ADAM10: variants seen among roughly 807,000 people sequenced by gnomAD.
ADAM10 encodes the protein disintegrin and metalloproteinase domain-containing protein 10.
A neutral mutation model predicts 90.1 loss-of-function variants in ADAM10; 17 were observed. That is an observed-to-expected ratio of 0.19 (90% CI 0.13 to 0.28). The LOEUF (loss-of-function observed/expected upper bound fraction) is 0.28. Ranked by LOEUF, ADAM10 falls within the 10% of genes least tolerant of loss-of-function variation. ADAM10 has a pLI of 1.00. For missense variants in ADAM10, 610 were observed against 914.3 expected, an observed-to-expected ratio of 0.67 and a Z score of 4.29; for synonymous variants, 310 against 298.6, an observed-to-expected ratio of 1.04 and a Z score of -0.40.
At chr15:58,615,159 A>T (rs1182050448) in intron 11 of ADAM10, among the ~76,000 whole-genome samples, 1 of 151,614 alleles carries the variant, frequency 6.6e-6, no homozygotes, top group African/African-American at 2.4e-5. Context: ...CTGTAGTCCC[A>T]GCTACTAGGG....
At position 58,644,078 on chromosome 15, in the gene ADAM10, C is replaced by G. The variant is rs1207590188; in HGVS notation, c.736-100G>C. On this transcript the variant is annotated intron_variant, in intron 6 of 15. Transcript: ENST00000260408. ...ATCAGTAATTATTCATGTCCTGCCA[C>G]ATTCAAATTTTAAAATGTCAACATT... is the stretch of plus-strand genomic sequence containing the variant. 3 of 863,946 alleles carry G rather than the reference C, an allele frequency of 3.5e-6. No homozygotes were observed. The African/African-American group carries it at 5.0e-5, about 15-fold the overall frequency. 53.5% of individuals were successfully genotyped at this position (863,946 alleles called of 1,614,324 possible).
At position 58,665,736 on chromosome 15, in the gene ADAM10, C is replaced by T. The variant is rs141014933; in HGVS notation, c.485-539G>A. On this transcript the variant is annotated intron_variant, in intron 4 of 15. Transcript: ENST00000260408. The stretch of plus-strand genomic sequence containing the variant: ...TCATAGTAGCTCAGTTTTACAGTTA[C>T]GTGACTGTATCACTGACTACCCCAA... Among the ~76,000 whole-genome samples the T allele has an allele frequency of 6.3e-3, 954 of 152,114 alleles. 10 individuals carry two copies. The highest frequency in any genetic ancestry group is 0.022 in the African/African-American group (897 of 41,510).
In ADAM10 at chr15:58,711,692, A is replaced by ACAT. The variant is rs532034293; in HGVS notation, c.206+5882_206+5884dup. 2.2e-3 allele frequency among the ~76,000 whole-genome samples: 334 copies of ACAT among 152,338 alleles called. 3 individuals are homozygous for ACAT. The highest frequency in any genetic ancestry group is 3.2e-3 in the Non-Finnish European group (221 of 68,032). ...AAAGACAAGATGCCTACCCCAAAGT[A>ACAT]CATAATTTGGAAAACAAGATATGAA... On this transcript the variant is annotated intron_variant, in intron 2 of 15. Coordinates refer to ENST00000260408, the MANE Select transcript of ADAM10 (RefSeq NM_001110.4).
Position 58,749,471 on chromosome 15 carries a change from G to C in ADAM10, c.55+9C>G. ...CGCGGCGCCCCCGGCGCTCGCAGTC[G>C]TGCCTCACCTCCCATCCCCGCCGCC... On this transcript the variant is annotated intron_variant, in intron 1 of 15. Coordinates refer to ENST00000260408, the MANE Select transcript of ADAM10 (RefSeq NM_001110.4). 1 of 1,541,192 alleles carries C rather than the reference G, an allele frequency of 6.5e-7. No individual in the cohort carries two copies.
Position 58,647,246 on chromosome 15 carries a change from G to GTTTTT in ADAM10, c.586-1043_586-1042insAAAAA, listed in dbSNP as rs1323960397. On this transcript the variant is annotated intron_variant, in intron 5 of 15. Coordinates refer to ENST00000260408, the MANE Select transcript of ADAM10 (RefSeq NM_001110.4). Reference sequence around the variant, plus strand: ...CTTGGCAGCAAAGAGTAGACACTAAGTATTTTTTTTTTTTTTTTTTTTTTT... The same window carrying GTTTTT: ...CTTGGCAGCAAAGAGTAGACACTAAGTTTTTTATTTTTTTTTTTTTTTTTTTTTTT... Among the ~76,000 whole-genome samples, 93 of 36,838 alleles carry GTTTTT rather than the reference G, an allele frequency of 2.5e-3. 3 individuals carry two copies. Among genetic ancestry groups the GTTTTT allele is most frequent in the Admixed American group, 6.9e-3 (24 of 3,486 alleles). 24.2% of individuals were successfully genotyped at this position (36,838 alleles called of 152,430 possible).
intron 15 of ADAM10, 103 bp from the exon 16 acceptor site, chr15:58,597,744 T>C (rs1306177235): frequency 7.9e-7 from 1 of 1,270,468 alleles, no homozygotes; most frequent in Non-Finnish European, 1.1e-6. Flanking sequence ...AGTTCAGTGC[T>C]GTCCAATAAT....
rs551709568 is a variant in ADAM10 at position 58,664,635 on chromosome 15, G to C, written c.585+462C>G. On this transcript the variant is annotated intron_variant, in intron 5 of 15. Coordinates refer to ENST00000260408, the MANE Select transcript of ADAM10 (RefSeq NM_001110.4). ...CTTATGTTTTGAATAACTATAACCTGTCACCTATGACTAAAGAAAAAGGAA... is the reference window on the plus strand; with the variant it reads ...CTTATGTTTTGAATAACTATAACCTCTCACCTATGACTAAAGAAAAAGGAA... Among the ~76,000 whole-genome samples, 188 of 151,936 alleles carry C rather than the reference G, an allele frequency of 1.2e-3. 1 individual carries two copies. Among genetic ancestry groups the C allele is most frequent in the African/African-American group, 4.4e-3 (183 of 41,448 alleles).
At chr15:58,687,648 C>T (rs974576170) in intron 2 of ADAM10, among the ~76,000 whole-genome samples, 1 of 137,254 alleles carries the variant, frequency 7.3e-6, no homozygotes, top group African/African-American at 3.1e-5. Context: ...ACAAACAAAA[C>T]TCCATACTTT....
intron 1 of ADAM10, among the ~76,000 whole-genome samples, chr15:58,728,260 A>C (rs1018187987): frequency 6.6e-5 from 10 of 152,218 alleles, no homozygotes; most frequent in African/African-American, 2.4e-4. Flanking sequence ...TGGAAATTAG[A>C]AAGTATTTTG....
At chr15:58,667,926 A>AT (rs1897114563) in intron 4 of ADAM10, among the ~76,000 whole-genome samples, 1 of 152,072 alleles carries the variant, frequency 6.6e-6, no homozygotes, top group Non-Finnish European at 1.5e-5. Flanking sequence ...GTAAGTGGGC[A>AT]TAAGAAAAGC....
chr15:58,723,484 A>T (rs2140825966), intron 1 of ADAM10, among the ~76,000 whole-genome samples: 1 of 152,214 alleles, frequency 6.6e-6, no homozygotes, highest in South Asian at 2.1e-4. Context: ...CAGGAGTTTG[A>T]GACCAGCCTG....
At chr15:58,748,581 G>A (rs897758682) in intron 1 of ADAM10, 4 of 217,170 alleles carry the variant, frequency 1.8e-5, no homozygotes, top group East Asian at 9.5e-5. Flanking sequence ...GGGGGGAGGG[G>A]GCACTGTTTT....
chr15:58,735,599 T>C (rs567706889), intron 1 of ADAM10, among the ~76,000 whole-genome samples: 72 of 152,310 alleles, frequency 4.7e-4, no homozygotes, highest in African/African-American at 1.6e-3. Context: ...ATATAAATAG[T>C]TGTTGTACTG....
chr15:58,605,428 G>T (rs1895242431), intron 14 of ADAM10, among the ~76,000 whole-genome samples: 1 of 149,016 alleles, frequency 6.7e-6, no homozygotes, highest in Non-Finnish European at 1.5e-5. Context: ...ATATTAGTAA[G>T]TACGGCCACC....
At chr15:58,698,324 C>A (rs1489000925) in intron 2 of ADAM10, 1 of 443,490 alleles carries the variant, frequency 2.3e-6, no homozygotes. Context: ...GTAATCCCAG[C>A]ACTGTGGGAG....
chr15:58,703,291 C>CAAAAAAA (rs542156053), intron 2 of ADAM10, among the ~76,000 whole-genome samples: 1 of 76,372 alleles, frequency 1.3e-5, no homozygotes. Flanking sequence ...GGTATTCCCT[C>CAAAAAAA]AAAAAAAAAA....
At chr15:58,719,183 G>A (rs1318069072) in intron 1 of ADAM10, among the ~76,000 whole-genome samples, 1 of 152,074 alleles carries the variant, frequency 6.6e-6, no homozygotes, top group African/African-American at 2.4e-5. Context: ...AACTAGCTGG[G>A]TGTGGTGGTG....
At chr15:58,697,254 G>A (rs549218352) in intron 2 of ADAM10, among the ~76,000 whole-genome samples, 83 of 152,200 alleles carry the variant, frequency 5.5e-4, no homozygotes, top group African/African-American at 1.7e-3. Context: ...AGACTACCCT[G>A]CCCACAGCTG....
Position 58,665,102 on chromosome 15 carries a change from T to C in ADAM10, c.580A>G (p.Thr194Ala), listed in dbSNP as rs562847230. The C allele has an allele frequency of 6.2e-7, 1 of 1,607,692 alleles. No homozygotes were observed. The highest frequency in any genetic ancestry group is 1.7e-5 in the Admixed American group (1 of 60,004). The stretch of plus-strand genomic sequence containing the variant: ...GCTAGTGTTAAAATCCTTACCTGTG[T>C]TACTTCCTCTACACCAGTCATCTGG... ...KYQMTGVEEV[T>A]QIPQEEHAAN... Residue 194 changes from threonine (T) to alanine (A), a missense_variant, in exon 5 of 16, where the codon ACA (threonine) becomes GCA (alanine). Physicochemically the swap from Thr to Ala is moderately conservative, Grantham distance 58. Transcript: ENST00000260408.
Sources: gnomAD v4.1 joint callset for allele counts (sites outside exome capture counted in the v4.1 genomes callset) on GRCh38, gnomAD v4.1.1 for gene constraint, MANE v1.5 for transcripts, NCBI Gene and HGNC (gene_info 2026-07-23, HGNC 2026-07-21) for gene names.